The following SULT2B1 variants were observed in gnomAD, a reference collection of about 807,000 sequenced individuals.
SULT2B1 encodes the protein sulfotransferase 2B1.
SULT2B1 carries 16 observed loss-of-function variants against 33.2 expected under a neutral mutation model. That is an observed-to-expected ratio of 0.48 (90% CI 0.33 to 0.73). The LOEUF (loss-of-function observed/expected upper bound fraction) is 0.73, where lower values mean the gene tolerates loss of function less well. SULT2B1 is among the 30% of genes least tolerant of loss of function. SULT2B1 has a pLI of 0.02. For synonymous variants in SULT2B1, 186 were observed against 200.5 expected (o/e 0.93, Z 0.61); for missense variants, 500 against 506.0 (o/e 0.99, Z 0.11).
chr19:48,589,239 G>C (rs566038178), intron 3 of SULT2B1, among the ~76,000 whole-genome samples: 1 of 151,998 alleles, frequency 6.6e-6, no homozygotes, highest in South Asian at 2.1e-4. Flanking sequence ...GTGGGTGTGA[G>C]AGAAGGGGAT....
chr19:48,594,085 C>A (rs1973680113), intron 5 of SULT2B1, among the ~76,000 whole-genome samples: 2 of 151,400 alleles, frequency 1.3e-5, no homozygotes, highest in Admixed American at 6.6e-5. Flanking sequence ...ATGGTGAAAC[C>A]CCGTCTCTGC....
At chr19:48,576,997 C>A (rs919429822) in intron 2 of SULT2B1, among the ~76,000 whole-genome samples, 4 of 149,574 alleles carry the variant, frequency 2.7e-5, no homozygotes, top group African/African-American at 9.8e-5. Flanking sequence ...GAGTTTGAGA[C>A]CAACCTGGGC....
intron 1 of SULT2B1, among the ~76,000 whole-genome samples, chr19:48,554,749 C>T (rs1459673585): frequency 2.0e-5 from 3 of 147,654 alleles, no homozygotes; most frequent in South Asian, 2.2e-4. Flanking sequence ...CTGCAACCTC[C>T]GCCTCCCAGG....
rs1353786782 is a variant in SULT2B1, at chr19:48,599,271, T to TGAGCCCAGCCCTGAGCCTGAGCCC, written c.964_987dup (p.Glu322_Pro329dup). ...CGGAGGAGGACGGCAGCCCAGATCC[T>TGAGCCCAGCCCTGAGCCTGAGCCC]GAGCCCAGCCCTGAGCCTGAGCCCA... On this transcript the variant is annotated inframe_insertion, in exon 7 of 7. Transcript: ENST00000201586. This position sits in a 1 kb window ranked among gnomAD's most constrained non-coding sequence, Gnocchi z 4.1. The TGAGCCCAGCCCTGAGCCTGAGCCC allele has an allele frequency of 1.2e-6, 2 of 1,610,846 alleles. No individual in the cohort carries two copies. The highest frequency in any genetic ancestry group is 1.7e-5 in the Admixed American group (1 of 59,602).
rs368817628 is a variant in SULT2B1, at chr19:48,558,498, G to T, written c.71+6175G>T. On this transcript the variant is annotated intron_variant, in intron 1 of 6. Coordinates refer to ENST00000201586, the MANE Select transcript of SULT2B1 (RefSeq NM_177973.2). ...GCTCCTCCCCGCGCTCTGATCTCGG[G>T]AGTCCCTGGCGCCGGCACCTTCTGA... 6.6e-5 allele frequency among the ~76,000 whole-genome samples: 10 copies of T among 152,156 alleles called. No individual in the cohort carries two copies. In the East Asian group the frequency reaches 1.4e-3, roughly 21 times the overall value.
intron 1 of SULT2B1, among the ~76,000 whole-genome samples, chr19:48,557,315 G>A (rs915324179): frequency 5.9e-5 from 9 of 151,842 alleles, no homozygotes; most frequent in Admixed American, 2.0e-4. Context: ...TGAAGTGGGC[G>A]GATCACTTGA....
At chr19:48,571,802 G>T (rs188530844) in intron 1 of SULT2B1, among the ~76,000 whole-genome samples, 20 of 152,162 alleles carry the variant, frequency 1.3e-4, no homozygotes, top group African/African-American at 4.6e-4. Flanking sequence ...GGGTGCAGGG[G>T]GTCTAGCTGT....
At chr19:48,597,154 A>T (rs1045046558) in intron 6 of SULT2B1, among the ~76,000 whole-genome samples, 1 of 152,114 alleles carries the variant, frequency 6.6e-6, no homozygotes, top group Non-Finnish European at 1.5e-5. Context: ...AACATCCAGG[A>T]GTACTGCCAA....
chr19:48,562,035 A>T (rs2147599663), intron 1 of SULT2B1, among the ~76,000 whole-genome samples: 1 of 152,274 alleles, frequency 6.6e-6, no homozygotes, highest in East Asian at 1.9e-4. Flanking sequence ...GGATCACTTG[A>T]GATCAGGAGT....
chr19:48,587,565 G>T, intron 3 of SULT2B1, 128 bp downstream of exon 3: 1 of 1,042,964 alleles, frequency 9.6e-7, no homozygotes. Flanking sequence ...GCCTGACTCT[G>T]ATCTAGCACA....
chr19:48,558,013 G>A (rs1413608395), intron 1 of SULT2B1, among the ~76,000 whole-genome samples: 2 of 152,198 alleles, frequency 1.3e-5, no homozygotes. Context: ...TGCTGACCCA[G>A]TAGGCTGACA....
intron 1 of SULT2B1, among the ~76,000 whole-genome samples, chr19:48,565,383 A>G (rs1232322249): frequency 1.3e-5 from 2 of 151,486 alleles, no homozygotes; most frequent in Non-Finnish European, 2.9e-5. Context: ...AGAGACAGAG[A>G]GATGGAGAGA....
chr19:48,558,834 G>A (rs768439198), intron 1 of SULT2B1, among the ~76,000 whole-genome samples: 4 of 151,680 alleles, frequency 2.6e-5, no homozygotes, highest in East Asian at 3.9e-4. Flanking sequence ...ACAGGCGTGC[G>A]CCACCACGCC....
intron 1 of SULT2B1, among the ~76,000 whole-genome samples, chr19:48,559,091 A>C (rs1346375631): frequency 6.6e-6 from 1 of 151,978 alleles, no homozygotes; most frequent in Non-Finnish European, 1.5e-5. Flanking sequence ...CAGACTAGGG[A>C]GAGGGGCTTC....
chr19:48,580,764 C>A (rs1973475323), intron 2 of SULT2B1, among the ~76,000 whole-genome samples: 1 of 151,492 alleles, frequency 6.6e-6, no homozygotes, highest in African/African-American at 2.4e-5. Context: ...CCCCAGCCTC[C>A]CTAATAGCCA....
intron 1 of SULT2B1, among the ~76,000 whole-genome samples, chr19:48,570,035 GACA>G (rs1387822764): frequency 6.6e-5 from 10 of 152,096 alleles, no homozygotes; most frequent in African/African-American, 2.4e-4. Context: ...GGATTAGGAC[GACA>G]ACATCATTGG....
chr19:48,573,666 C>G (rs3826827), intron 1 of SULT2B1, among the ~76,000 whole-genome samples: 63,090 of 151,252 alleles, frequency 0.42, 14,086 homozygotes, highest in South Asian at 0.58. Context: ...TGGACTGTGG[C>G]GTTCATGGGG....
At chr19:48,578,800 C>T (rs1344807663) in intron 2 of SULT2B1, among the ~76,000 whole-genome samples, 6 of 151,868 alleles carry the variant, frequency 4.0e-5, no homozygotes, top group African/African-American at 7.3e-5. Flanking sequence ...TGCTTGGAAC[C>T]GGGGGGTAGA....
intron 5 of SULT2B1, chr19:48,595,637 A>C (rs1415384070): frequency 6.7e-6 from 1 of 148,682 alleles, no homozygotes; most frequent in Non-Finnish European, 1.5e-5. Context: ...CTGTGACCAG[A>C]CCACATCTGT....
Sources: gnomAD v4.1 joint callset for allele counts (sites outside exome capture counted in the v4.1 genomes callset) on GRCh38, gnomAD v4.1.1 for gene constraint, Gnocchi (gnomAD v3.1) non-coding constraint, MANE v1.5 for transcripts, NCBI Gene and HGNC (gene_info 2026-07-23, HGNC 2026-07-21) for gene names.